The following ITPK1 variants were observed in gnomAD, a reference collection of about 807,000 sequenced individuals.
The protein encoded by ITPK1 is inositol-tetrakisphosphate 1-kinase, also known as inositol 1,3,4-trisphosphate 5/6-kinase.
In ITPK1, 21 loss-of-function variants were observed where a neutral mutation model predicts 45.3. That is an observed-to-expected ratio of 0.46 (90% CI 0.33 to 0.67). The LOEUF (loss-of-function observed/expected upper bound fraction) is 0.67. Ranked by LOEUF, ITPK1 falls within the 30% of genes least tolerant of loss-of-function variation. The pLI is 0.02. For synonymous variants in ITPK1, 258 were observed against 253.6 expected (o/e 1.02, Z -0.16); for missense variants, 474 against 573.5 (o/e 0.83, Z 1.77).
At chr14:93,053,087 C>T (rs889652905) in intron 3 of ITPK1, among the ~76,000 whole-genome samples, 86 of 151,736 alleles carry the variant, frequency 5.7e-4, no homozygotes, top group Non-Finnish European at 1.1e-3. Context: ...TGTAACAAAC[C>T]TGCATGTTGT....
chr14:92,970,959 T>C (rs1299513900), intron 5 of ITPK1, among the ~76,000 whole-genome samples: 3 of 151,966 alleles, frequency 2.0e-5, no homozygotes, highest in African/African-American at 4.8e-5. Context: ...AAAGTGGGGG[T>C]TGGAGTGAAA....
intron 3 of ITPK1, among the ~76,000 whole-genome samples, chr14:93,065,440 G>T (rs1890705575): frequency 6.6e-6 from 1 of 152,158 alleles, no homozygotes; most frequent in Non-Finnish European, 1.5e-5. Flanking sequence ...GACAAACTAG[G>T]TAAACAGGTT....
chr14:92,965,977 T>C (rs1885332566), intron 5 of ITPK1, among the ~76,000 whole-genome samples: 1 of 152,238 alleles, frequency 6.6e-6, no homozygotes, highest in African/African-American at 2.4e-5. Flanking sequence ...CATTCCAGCC[T>C]GGGCAACAAG....
intron 5 of ITPK1, among the ~76,000 whole-genome samples, chr14:92,983,012 A>T (rs963797594): frequency 5.9e-5 from 9 of 152,228 alleles, no homozygotes; most frequent in Non-Finnish European, 1.2e-4. Context: ...AGTCCAATAC[A>T]GCAAGCCACG....
chr14:93,027,714 T>A (rs1466962840), intron 3 of ITPK1, among the ~76,000 whole-genome samples: 1 of 152,152 alleles, frequency 6.6e-6, no homozygotes, highest in Non-Finnish European at 1.5e-5. Context: ...AGCAAGACAG[T>A]CATCAACAGA....
chr14:92,996,049 C>T (rs528785566), intron 4 of ITPK1, among the ~76,000 whole-genome samples: 6 of 152,178 alleles, frequency 3.9e-5, no homozygotes, highest in South Asian at 2.1e-4. Context: ...AGGCCCTCCC[C>T]GCCGAGACTC....
Position 92,940,129 on chromosome 14 carries a change from C to A in ITPK1, c.*1432G>T, listed in dbSNP as rs1887287379. 1 of 985,690 alleles carries A rather than the reference C, an allele frequency of 1.0e-6. No homozygotes were observed. The highest frequency in any genetic ancestry group is 1.2e-6 in the Non-Finnish European group (1 of 830,066). The allele number at this position is 985,690 out of a possible 1,614,324, so 61.1% of individuals were successfully genotyped here. Reference sequence around the variant, plus strand: ...CATCCTGCAGCCCAGCTGAGCCAGGCCGAAGGACCTCCATGCACTGGCTCG... The same window carrying A: ...CATCCTGCAGCCCAGCTGAGCCAGGACGAAGGACCTCCATGCACTGGCTCG... On this transcript the variant is annotated 3_prime_UTR_variant, in exon 11 of 11. Coordinates refer to ENST00000267615, the MANE Select transcript of ITPK1 (RefSeq NM_014216.6).
At chr14:92,988,161 C>A (rs1469545426) in intron 5 of ITPK1, among the ~76,000 whole-genome samples, 2 of 152,252 alleles carry the variant, frequency 1.3e-5, no homozygotes, top group East Asian at 1.9e-4. Flanking sequence ...CCCTGAGAGA[C>A]CCTACCTCCC....
At chr14:93,098,349 C>G (rs542961812) in intron 2 of ITPK1, among the ~76,000 whole-genome samples, 1 of 151,670 alleles carries the variant, frequency 6.6e-6, no homozygotes, top group Non-Finnish European at 1.5e-5. Context: ...CCCAGCTACT[C>G]GGAAGGTTGA....
At chr14:92,949,647 G>A (rs532450897) in intron 9 of ITPK1, among the ~76,000 whole-genome samples, 1 of 152,240 alleles carries the variant, frequency 6.6e-6, no homozygotes, top group East Asian at 1.9e-4. Context: ...TTGTGGTGCC[G>A]ACGACGGGAG....
At chr14:93,087,927 G>T (rs540309331) in intron 2 of ITPK1, among the ~76,000 whole-genome samples, 28 of 152,344 alleles carry the variant, frequency 1.8e-4, no homozygotes, top group Admixed American at 4.6e-4. Context: ...GGATGTGGGG[G>T]AACTGGGTGC....
Position 92,941,415 on chromosome 14 carries a change from A to G in ITPK1, c.*146T>C. 7.0e-7 allele frequency: 1 copy of G among 1,420,490 alleles called. No homozygotes were observed. The highest frequency in any genetic ancestry group is 9.1e-7 in the Non-Finnish European group (1 of 1,094,574). 88.0% of individuals were successfully genotyped at this position (1,420,490 alleles called of 1,614,324 possible). ...TCCCCCACTACCCCTCATTTAGATC[A>G]TGACATCAGAGAATCAGGTTAAAAA... On this transcript the variant is annotated 3_prime_UTR_variant, in exon 11 of 11. Coordinates refer to ENST00000267615, the MANE Select transcript of ITPK1 (RefSeq NM_014216.6).
At position 93,012,999 on chromosome 14, in the gene ITPK1, G is replaced by A. The variant is rs1887991814; in HGVS notation, c.246+3677C>T. ...AGGTGGCTCTGGGCGCCACAGCGAG[G>A]AGAAGGCTCGTGTTGCCCCCCTGGG... is the stretch of plus-strand genomic sequence containing the variant. On this transcript the variant is annotated intron_variant, in intron 4 of 10. Coordinates refer to ENST00000267615, the MANE Select transcript of ITPK1 (RefSeq NM_014216.6). This position sits in a 1 kb window ranked among gnomAD's most constrained non-coding sequence, Gnocchi z 4.9. 1.3e-5 allele frequency among the ~76,000 whole-genome samples: 2 copies of A among 152,148 alleles called. No homozygotes were observed. The highest frequency in any genetic ancestry group is 4.8e-5 in the African/African-American group (2 of 41,436).
rs1332393919 is a variant in ITPK1 at position 93,036,664 on chromosome 14, C to T, written c.121-19863G>A. Among the ~76,000 whole-genome samples, 1 of 152,104 alleles carries T rather than the reference C, an allele frequency of 6.6e-6. No individual in the cohort carries two copies. The highest frequency in any genetic ancestry group is 1.9e-4 in the East Asian group (1 of 5,176). On this transcript the variant is annotated intron_variant, in intron 3 of 10. Transcript: ENST00000267615. The surrounding 1 kb of genome is among the most constrained non-coding windows in gnomAD (Gnocchi z 4.1). ...CCGGGTGAGGGCTCTCCCCCAGGAA[C>T]ACTGCCCCTATTCTCTGGGCTCTGG...
Position 93,016,112 on chromosome 14 carries a change from G to T in ITPK1, c.246+564C>A, listed in dbSNP as rs981150461. 6.6e-6 allele frequency among the ~76,000 whole-genome samples: 1 copy of T among 152,178 alleles called. No homozygotes were observed. Among genetic ancestry groups the T allele is most frequent in the African/African-American group, 2.4e-5 (1 of 41,440 alleles). On this transcript the variant is annotated intron_variant, in intron 4 of 10. Transcript: ENST00000267615. The surrounding 1 kb of genome is among the most constrained non-coding windows in gnomAD (Gnocchi z 5.0). ...GCCAGCATGAGAACCCCAGGGCAGT[G>T]GGCAGGTCACTGTGCGATCAGGACC...
rs966828364 is a variant in ITPK1 at position 93,032,175 on chromosome 14, C to T, written c.121-15374G>A. On this transcript the variant is annotated intron_variant, in intron 3 of 10. Coordinates refer to ENST00000267615, the MANE Select transcript of ITPK1 (RefSeq NM_014216.6). The surrounding 1 kb of genome is among the most constrained non-coding windows in gnomAD (Gnocchi z 4.0). ...AACCAGCCTGGGCAACACAGTGAAA[C>T]CCCATCTCTACTAAAAGTGCAAAAA... Among the ~76,000 whole-genome samples, 2 of 152,104 alleles carry T rather than the reference C, an allele frequency of 1.3e-5. No homozygotes were observed. The highest frequency in any genetic ancestry group is 2.4e-5 in the African/African-American group (1 of 41,422).
intron 2 of ITPK1, among the ~76,000 whole-genome samples, chr14:93,081,863 T>C (rs1316267553): frequency 2.0e-5 from 3 of 152,134 alleles, no homozygotes; most frequent in East Asian, 3.9e-4. Flanking sequence ...GCCCAGCCTT[T>C]ACCTATGGGC....
intron 7 of ITPK1, among the ~76,000 whole-genome samples, chr14:92,961,604 GC>G (rs1234498477): frequency 5.9e-5 from 9 of 152,310 alleles, no homozygotes; most frequent in Non-Finnish European, 1.0e-4. Context: ...CCTCATGTGG[GC>G]CCAGCCCGGT....
At chr14:92,990,666 C>T (rs1338155858) in intron 5 of ITPK1, among the ~76,000 whole-genome samples, 1 of 152,178 alleles carries the variant, frequency 6.6e-6, no homozygotes, top group Non-Finnish European at 1.5e-5. Context: ...TGCCCGGAGA[C>T]AGCGATGCTG....
Sources: gnomAD v4.1 joint callset for allele counts (sites outside exome capture counted in the v4.1 genomes callset) on GRCh38, gnomAD v4.1.1 for gene constraint, Gnocchi (gnomAD v3.1) non-coding constraint, MANE v1.5 for transcripts, NCBI Gene and HGNC (gene_info 2026-07-23, HGNC 2026-07-21) for gene names.